EMSY: variants seen among roughly 807,000 people sequenced by gnomAD.
EMSY encodes EMSY transcriptional repressor, BRCA2 interacting.
In EMSY, 26 loss-of-function variants were observed where a neutral mutation model predicts 134.6. The observed-to-expected ratio is 0.19, with a 90% CI of 0.14 to 0.27. The LOEUF (loss-of-function observed/expected upper bound fraction) is 0.27. EMSY is among the 10% of genes least tolerant of loss of function. The pLI, the probability that EMSY is intolerant of heterozygous loss-of-function variation, is 1.00. For missense variants in EMSY, 1,305 were observed against 1,611.4 expected, an observed-to-expected ratio of 0.81 and a Z score of 3.26; for synonymous variants, 579 against 577.8, an observed-to-expected ratio of 1.00 and a Z score of -0.03.
chr11:76,525,506 C>G (rs1950814285), intron 12 of EMSY, among the ~76,000 whole-genome samples: 1 of 152,204 alleles, frequency 6.6e-6, no homozygotes, highest in South Asian at 2.1e-4. Flanking sequence ...TGAAAATTCT[C>G]AAATCTTTTC....
chr11:76,505,181 C>G (rs972210853), intron 9 of EMSY, among the ~76,000 whole-genome samples: 1 of 152,190 alleles, frequency 6.6e-6, no homozygotes, highest in African/African-American at 2.4e-5. Flanking sequence ...TTTGATAAAG[C>G]TCTTTAAGAA....
chr11:76,455,860 C>G (rs1280077547), intron 4 of EMSY, among the ~76,000 whole-genome samples: 1 of 152,138 alleles, frequency 6.6e-6, no homozygotes, highest in Non-Finnish European at 1.5e-5. Context: ...CATGTTGTCT[C>G]TAGATTCAGG....
At chr11:76,483,209 T>C (rs761752915) in intron 8 of EMSY, among the ~76,000 whole-genome samples, 1 of 152,080 alleles carries the variant, frequency 6.6e-6, no homozygotes, top group Non-Finnish European at 1.5e-5. Context: ...TGCTGAGAGA[T>C]TTTTGTCACC....
intron 11 of EMSY, among the ~76,000 whole-genome samples, chr11:76,519,702 G>A (rs540352421): frequency 1.6e-4 from 24 of 152,260 alleles, no homozygotes; most frequent in African/African-American, 5.1e-4. Context: ...AGTAAAATCT[G>A]AGCCAATAAA....
chr11:76,509,103 T>TATA (rs1407366156), intron 9 of EMSY, among the ~76,000 whole-genome samples: 1 of 151,958 alleles, frequency 6.6e-6, no homozygotes, highest in East Asian at 1.9e-4. Flanking sequence ...AAGTAACAGA[T>TATA]ATAATAATAA....
chr11:76,545,839 A>G (rs776099876), exon 20 of EMSY: 4 of 1,613,588 alleles, frequency 2.5e-6, no homozygotes. Flanking sequence ...TGTTACAAAG[A>G]TAACTTTTGA....
At chr11:76,528,459 T>C (rs1950920617) in exon 14 of EMSY, 4 of 1,599,920 alleles carry the variant, frequency 2.5e-6, no homozygotes, top group Non-Finnish European at 3.4e-6. Context: ...CCTCCCAGAG[T>C]TCCCAAGGTA....
intron 9 of EMSY, among the ~76,000 whole-genome samples, chr11:76,508,869 T>C (rs1430916280): frequency 1.3e-5 from 2 of 152,194 alleles, no homozygotes; most frequent in Admixed American, 6.5e-5. Flanking sequence ...TCTCCTGGCC[T>C]TCATAGAAAT....
chr11:76,515,318 TC>T (rs1174551015), intron 10 of EMSY, among the ~76,000 whole-genome samples: 1 of 152,098 alleles, frequency 6.6e-6, no homozygotes, highest in Non-Finnish European at 1.5e-5. Flanking sequence ...CATTTTTTTT[TC>T]ATTCTCCCTA....
intron 9 of EMSY, among the ~76,000 whole-genome samples, chr11:76,502,044 G>GAAAAAAAAAAAAAAAAAA: frequency 2.1e-5 from 2 of 93,098 alleles, no homozygotes; most frequent in South Asian, 3.7e-4. Flanking sequence ...CATTTGAAAT[G>GAAAAAAAAAAAAAAAAAA]AAAAAAAAAA....
chr11:76,530,731 C>T (rs1951011499), intron 14 of EMSY, among the ~76,000 whole-genome samples: 1 of 152,062 alleles, frequency 6.6e-6, no homozygotes, highest in Non-Finnish European at 1.5e-5. Context: ...TTACTACATT[C>T]TTACAAAGAC....
chr11:76,467,403 T>G (rs760259555), intron 7 of EMSY, among the ~76,000 whole-genome samples: 14 of 152,234 alleles, frequency 9.2e-5, no homozygotes, highest in African/African-American at 2.2e-4. Flanking sequence ...CTACCTCCCA[T>G]CCATATCCTT....
At chr11:76,527,616 G>C (rs1950889459) in intron 13 of EMSY, among the ~76,000 whole-genome samples, 1 of 151,984 alleles carries the variant, frequency 6.6e-6, no homozygotes, top group Admixed American at 6.6e-5. Context: ...TTGTTTCACT[G>C]TTTGTTTTTA....
At chr11:76,456,547 A>T (rs1037824971) in intron 4 of EMSY, among the ~76,000 whole-genome samples, 12 of 152,218 alleles carry the variant, frequency 7.9e-5, no homozygotes, top group African/African-American at 2.9e-4. Context: ...AATATGCTGA[A>T]TAGCTTTTAG....
At chr11:76,446,386 A>G (rs1458500118) in intron 1 of EMSY, among the ~76,000 whole-genome samples, 1 of 107,046 alleles carries the variant, frequency 9.3e-6, no homozygotes, top group Non-Finnish European at 2.0e-5. Flanking sequence ...CAATTTTAGT[A>G]TATGTGTTGC....
intron 8 of EMSY, among the ~76,000 whole-genome samples, chr11:76,481,099 C>CA (rs1342490003): frequency 6.6e-6 from 1 of 152,030 alleles, no homozygotes; most frequent in African/African-American, 2.4e-5. Flanking sequence ...GCTGGAGTGC[C>CA]ATGGCGCTAT....
rs185241218 is a variant in EMSY, at chr11:76,546,460, C to T, written c.3774+163C>T. Among the ~76,000 whole-genome samples, 151 of 152,098 alleles carry T rather than the reference C, an allele frequency of 9.9e-4. 2 individuals carry two copies. In the Middle Eastern group the frequency reaches 0.01, roughly 10 times the overall value. Reference sequence around the variant, plus strand: ...GACAAATTTGGTTTAACACCTATTACAAAAATACAAATTTATTTATTTTCT... The same window carrying T: ...GACAAATTTGGTTTAACACCTATTATAAAAATACAAATTTATTTATTTTCT... On this transcript the variant is annotated intron_variant, in intron 20 of 20. Coordinates refer to ENST00000334736, the Ensembl canonical transcript of EMSY.
chr11:76,503,477 T>C (rs1229172214), intron 9 of EMSY, among the ~76,000 whole-genome samples: 1 of 152,116 alleles, frequency 6.6e-6, no homozygotes. Flanking sequence ...GGTCAACTGC[T>C]TTTTGAGAAA....
chr11:76,508,570 G>A (rs1950164166), intron 9 of EMSY, among the ~76,000 whole-genome samples: 1 of 152,194 alleles, frequency 6.6e-6, no homozygotes, highest in African/African-American at 2.4e-5. Context: ...AAGAGAGTCA[G>A]TCTGTTCTTT....
Sources: gnomAD v4.1 joint callset for allele counts (sites outside exome capture counted in the v4.1 genomes callset) on GRCh38, gnomAD v4.1.1 for gene constraint, MANE v1.5 for transcripts, NCBI Gene and HGNC (gene_info 2026-07-23, HGNC 2026-07-21) for gene names.